The following LRRTM3 variants were observed in gnomAD, a reference collection of about 807,000 sequenced individuals.
The protein encoded by LRRTM3 is leucine-rich repeat transmembrane neuronal protein 3.
In LRRTM3, 24 loss-of-function variants were observed where a neutral mutation model predicts 44.7. That is an observed-to-expected ratio of 0.54 (90% confidence interval 0.39 to 0.76). The LOEUF is 0.76. LRRTM3 is among the 30% of genes least tolerant of loss of function. The pLI is 0.00. For missense variants in LRRTM3, 587 were observed against 702.2 expected (o/e 0.84, Z 1.85); for synonymous variants, 277 against 278.7 (o/e 0.99, Z 0.06).
At chr10:67,067,629 G>A (rs935965720) in intron 2 of LRRTM3, among the ~76,000 whole-genome samples, 4 of 152,116 alleles carry the variant, frequency 2.6e-5, no homozygotes, top group Non-Finnish European at 5.9e-5. Flanking sequence ...TTTTTCCTTA[G>A]AGTACATCCT....
At chr10:66,988,983 G>C (rs1297667431) in intron 2 of LRRTM3, among the ~76,000 whole-genome samples, 4 of 150,690 alleles carry the variant, frequency 2.7e-5, no homozygotes, top group African/African-American at 7.3e-5. Flanking sequence ...TTTGGTCCTC[G>C]ATGTTTCCTC....
chr10:66,996,670 A>AAAAAAAAAAAAAAACC, intron 2 of LRRTM3, among the ~76,000 whole-genome samples: 1 of 150,596 alleles, frequency 6.6e-6, no homozygotes. Flanking sequence ...AAAAAAAAAA[A>AAAAAAAAAAAAAAACC]AGCATGTTTG....
At chr10:67,090,837 C>A (rs1049197024) in intron 2 of LRRTM3, among the ~76,000 whole-genome samples, 1 of 151,950 alleles carries the variant, frequency 6.6e-6, no homozygotes, top group African/African-American at 2.4e-5. Flanking sequence ...GTAGAACCTG[C>A]GGTAACATCT....
chr10:66,977,310 C>T (rs1850101298), intron 2 of LRRTM3, among the ~76,000 whole-genome samples: 1 of 151,994 alleles, frequency 6.6e-6, no homozygotes. Context: ...GTGGCTGGTA[C>T]CTGTAGTCCC....
At chr10:66,952,648 T>C (rs1431372847) in intron 2 of LRRTM3, among the ~76,000 whole-genome samples, 5 of 152,070 alleles carry the variant, frequency 3.3e-5, no homozygotes, top group Non-Finnish European at 7.4e-5. Flanking sequence ...TAAGTTGACA[T>C]TGTCATAGTC....
At position 66,927,951 on chromosome 10, in the gene LRRTM3, G is replaced by T; in HGVS notation, c.1035G>T (p.Glu345Asp). Residue 345 changes from glutamate to aspartate, a missense_variant, in exon 2 of 3, where the codon GAG becomes GAT. By Grantham distance (45) the Glu-to-Asp change is conservative. Around this residue, in one of 3 missense-constraint regions of LRRTM3, gnomAD observed 315 missense variants for 335.6 expected, o/e 0.94. Transcript: ENST00000361320. This position sits in a 1 kb window ranked among gnomAD's most constrained non-coding sequence, Gnocchi z 4.7. ...ENTIICASPK[E>D]LQGVNVIDAV... ...CAATTATCTGTGCCAGTCCCAAAGA[G>T]CTGCAAGGAGTAAATGTGATCGATG... 6.2e-7 allele frequency: 1 copy of T among 1,614,238 alleles called. No individual in the cohort carries two copies. The highest frequency in any genetic ancestry group is 1.3e-5 in the African/African-American group (1 of 75,060).
chr10:67,007,468 A>G (rs1166129260), intron 2 of LRRTM3, among the ~76,000 whole-genome samples: 2 of 152,012 alleles, frequency 1.3e-5, no homozygotes, highest in Non-Finnish European at 2.9e-5. Context: ...TTCTAAAATA[A>G]GAGATAAAAT....
At chr10:67,058,949 A>T (rs1015812124) in intron 2 of LRRTM3, among the ~76,000 whole-genome samples, 1 of 152,198 alleles carries the variant, frequency 6.6e-6, no homozygotes. Flanking sequence ...TCACCAAAAA[A>T]AGGCAAGAAA....
chr10:66,934,757 GT>G (rs552816862), intron 2 of LRRTM3, among the ~76,000 whole-genome samples: 2 of 152,082 alleles, frequency 1.3e-5, no homozygotes, highest in Non-Finnish European at 2.9e-5. Flanking sequence ...GTAAAATATA[GT>G]TTTTTTGGCC....
At chr10:66,948,904 G>A (rs557535936) in intron 2 of LRRTM3, among the ~76,000 whole-genome samples, 1 of 152,092 alleles carries the variant, frequency 6.6e-6, no homozygotes, top group Non-Finnish European at 1.5e-5. Flanking sequence ...TCAAGTGTGG[G>A]TCTCTTAATT....
At chr10:66,980,016 G>GC (rs1850318303) in intron 2 of LRRTM3, among the ~76,000 whole-genome samples, 1 of 152,204 alleles carries the variant, frequency 6.6e-6, no homozygotes, top group South Asian at 2.1e-4. Flanking sequence ...ACAAGGTTAT[G>GC]CATTGGCACT....
intron 2 of LRRTM3, among the ~76,000 whole-genome samples, chr10:66,933,987 T>C (rs1023816702): frequency 5.3e-5 from 8 of 152,134 alleles, no homozygotes; most frequent in Non-Finnish European, 1.0e-4. Context: ...GTGAGTTTTC[T>C]GACATTTTAA....
intron 2 of LRRTM3, among the ~76,000 whole-genome samples, chr10:67,056,910 T>G (rs1855466549): frequency 6.6e-6 from 1 of 152,170 alleles, no homozygotes; most frequent in Non-Finnish European, 1.5e-5. Flanking sequence ...TGTGGTGGCC[T>G]GAGTGAATCT....
intron 2 of LRRTM3, among the ~76,000 whole-genome samples, chr10:67,045,932 C>T (rs1324696596): frequency 2.0e-5 from 3 of 152,150 alleles, no homozygotes; most frequent in Non-Finnish European, 2.9e-5. Context: ...AAGAACTTCT[C>T]GAGTAGGTCA....
At chr10:67,092,384 A>C (rs1475572817) in intron 2 of LRRTM3, among the ~76,000 whole-genome samples, 4 of 151,996 alleles carry the variant, frequency 2.6e-5, no homozygotes, top group African/African-American at 4.8e-5. Context: ...TAGAGAAGGA[A>C]AACATGGCCT....
chr10:67,056,966 T>G (rs2133205252), intron 2 of LRRTM3, among the ~76,000 whole-genome samples: 1 of 152,306 alleles, frequency 6.6e-6, no homozygotes, highest in South Asian at 2.1e-4. Context: ...CTGAGACTGA[T>G]TATCTTTATT....
chr10:66,956,441 G>C (rs983629915), intron 2 of LRRTM3, among the ~76,000 whole-genome samples: 5 of 151,926 alleles, frequency 3.3e-5, no homozygotes, highest in Non-Finnish European at 5.9e-5. Context: ...GAGTTAACTG[G>C]CTTGCAGAGC....
chr10:66,929,748 C>A (rs1210983930), intron 2 of LRRTM3, among the ~76,000 whole-genome samples: 1 of 152,208 alleles, frequency 6.6e-6, no homozygotes, highest in African/African-American at 2.4e-5. Flanking sequence ...TGGCAATCTG[C>A]AAGCTGCATG....
chr10:67,046,767 A>G (rs1286755842), intron 2 of LRRTM3, among the ~76,000 whole-genome samples: 1 of 152,192 alleles, frequency 6.6e-6, no homozygotes, highest in Non-Finnish European at 1.5e-5. Flanking sequence ...AATAAATAAA[A>G]GCAGGGACTC....
Sources: allele counts gnomAD v4.1 joint callset (sites outside exome capture counted in the v4.1 genomes callset), GRCh38; gene constraint gnomAD v4.1.1; regional missense constraint gnomAD v4.1.1; non-coding constraint Gnocchi (gnomAD v3.1); transcripts MANE v1.5; gene names NCBI Gene and HGNC (gene_info 2026-07-23, HGNC 2026-07-21).